Variants in SLC26A5 observed in about 807,000 individuals in gnomAD.
SLC26A5 encodes the protein prestin.
A neutral mutation model predicts 81.0 loss-of-function variants in SLC26A5; 51 were observed. The observed-to-expected ratio is 0.63, with a 90% confidence interval of 0.50 to 0.80. SLC26A5 has a LOEUF of 0.80. Among genes scored for constraint, SLC26A5 ranks in the 30% least tolerant of loss-of-function variants. The pLI is 0.00. For missense variants in SLC26A5, 771 were observed against 905.8 expected, an observed-to-expected ratio of 0.85 and a Z score of 1.91; for synonymous variants, 325 against 332.8, an observed-to-expected ratio of 0.98 and a Z score of 0.25.
rs1184487376 is a variant in SLC26A5, at chr7:103,393,037, C to G, written c.1001G>C (p.Ser334Thr). The G allele has an allele frequency of 6.2e-7, 1 of 1,613,968 alleles. No homozygotes were observed. Among genetic ancestry groups the G allele is most frequent in the African/African-American group, 1.3e-5 (1 of 75,028 alleles). ...GLLPPANPDT[S>T]LFHLVYVDAI... ...ATCTACGTACACAAGGTGGAAGAGG[C>G]TGGTGTCCGGATTGGCTGGAGGTAG... Residue 334 changes from serine (S) to threonine (T), a missense_variant, in exon 10 of 20, where the codon AGC (serine) becomes ACC (threonine). Ser to Thr is a moderately conservative substitution (Grantham distance 58). Coordinates refer to ENST00000306312, the MANE Select transcript of SLC26A5 (RefSeq NM_198999.3).
intron 2 of SLC26A5, among the ~76,000 whole-genome samples, chr7:103,442,416 G>A (rs1826949284): frequency 6.6e-6 from 1 of 152,144 alleles, no homozygotes; most frequent in South Asian, 2.1e-4. Flanking sequence ...GGGATTACAG[G>A]TGTGAGCCAC....
At chr7:103,442,124 C>T (rs984950098) in intron 2 of SLC26A5, among the ~76,000 whole-genome samples, 1 of 146,458 alleles carries the variant, frequency 6.8e-6, no homozygotes, top group African/African-American at 2.7e-5. Context: ...TGTCTCCTCC[C>T]CACCTTCATC....
rs114086383 is a variant in SLC26A5, at chr7:103,385,915, G to A, written c.1514+3093C>T. 9.0e-3 allele frequency among the ~76,000 whole-genome samples: 1,328 copies of A among 147,796 alleles called. 21 individuals are homozygous for A. Among genetic ancestry groups the A allele is most frequent in the African/African-American group, 0.032 (1,285 of 39,642 alleles). On this transcript the variant is annotated intron_variant, in intron 14 of 19. Coordinates refer to ENST00000306312, the MANE Select transcript of SLC26A5 (RefSeq NM_198999.3). ...TGGGGTTTTACCAGGTTGCCCAAAC[G>A]GGAGCTTTTTTCTTTCTTTCTTTTT...
At chr7:103,411,787 T>C (rs940721968) in intron 5 of SLC26A5, among the ~76,000 whole-genome samples, 7 of 152,208 alleles carry the variant, frequency 4.6e-5, no homozygotes, top group African/African-American at 9.6e-5. Flanking sequence ...TTTCCAAAAA[T>C]AGACATAGCA....
chr7:103,445,600 G>A (rs536794023), intron 1 of SLC26A5: 1 of 152,274 alleles, frequency 6.6e-6, no homozygotes, highest in African/African-American at 2.4e-5. Context: ...CCAGTTTCGG[G>A]ACCACAGCCT....
At chr7:103,362,846 T>C in intron 19 of SLC26A5, 5 of 1,035,396 alleles carry the variant, frequency 4.8e-6, no homozygotes, top group Non-Finnish European at 7.2e-6. Flanking sequence ...CAGGCTGGAG[T>C]AGAATGGTGT....
intron 2 of SLC26A5, 91 bp from the exon 3 acceptor site, chr7:103,421,658 T>C (rs1265162899): frequency 1.2e-6 from 1 of 844,148 alleles, no homozygotes; most frequent in East Asian, 2.6e-5. Flanking sequence ...TTCCAAGTTC[T>C]TCTGAGGCTT....
At chr7:103,442,575 G>A (rs1295605169) in intron 2 of SLC26A5, among the ~76,000 whole-genome samples, 2 of 152,104 alleles carry the variant, frequency 1.3e-5, no homozygotes, top group African/African-American at 4.8e-5. Context: ...TCTCTGTTGG[G>A]TTTTTTCTAA....
intron 7 of SLC26A5, among the ~76,000 whole-genome samples, chr7:103,409,595 C>T (rs982889776): frequency 6.6e-6 from 1 of 152,060 alleles, no homozygotes; most frequent in African/African-American, 2.4e-5. Flanking sequence ...TCCTTAAGTG[C>T]TTGCAAATAA....
chr7:103,412,876 T>A, intron 5 of SLC26A5, 126 bp downstream of exon 5: 1 of 735,384 alleles, frequency 1.4e-6, no homozygotes. Context: ...AAGCACCTAT[T>A]GTGTATGCAG....
chr7:103,354,167 T>C (rs1368468559), intron 19 of SLC26A5, among the ~76,000 whole-genome samples: 1 of 152,184 alleles, frequency 6.6e-6, no homozygotes, highest in Admixed American at 6.5e-5. Context: ...CTAAAGTTTA[T>C]AGAATAGATC....
rs188653898 is a variant in SLC26A5, at chr7:103,442,064, G to A, written c.-54+1019C>T. On this transcript the variant is annotated intron_variant, in intron 2 of 19. Transcript: ENST00000306312. Reference sequence around the variant, plus strand: ...CAATCCTGACTGGACATTAGTATTTGCTGGGGTTACTTTTAAAAAATAAAG... The same window carrying A: ...CAATCCTGACTGGACATTAGTATTTACTGGGGTTACTTTTAAAAAATAAAG... Among the ~76,000 whole-genome samples the A allele has an allele frequency of 4.5e-4, 69 of 152,274 alleles. 2 individuals are homozygous for A. The East Asian group carries it at 0.013, about 28-fold the overall frequency.
downstream of SLC26A5, among the ~76,000 whole-genome samples, chr7:103,372,043 C>T (rs542058968): frequency 6.6e-6 from 1 of 152,258 alleles, no homozygotes; most frequent in African/African-American, 2.4e-5. Flanking sequence ...ACTTAAATGG[C>T]TGAAATGATA....
chr7:103,373,330 T>C (rs1821135174), downstream of SLC26A5, among the ~76,000 whole-genome samples: 1 of 152,214 alleles, frequency 6.6e-6, no homozygotes, highest in Non-Finnish European at 1.5e-5. Context: ...TCTGAAGTGA[T>C]GCGATATGAA....
rs1456350391 is a variant in SLC26A5, at chr7:103,420,871, A to T, written c.159T>A (p.Thr53=). ...ADKLKQAFTC[T]PKKIRNIIYM... Reference sequence around the variant, plus strand: ...AAATGATATTTCTTATTTTTTTAGGAGTACATCTGAAAGGACAAAGACAGA... The same window carrying T: ...AAATGATATTTCTTATTTTTTTAGGTGTACATCTGAAAGGACAAAGACAGA... The change falls in exon 4 of 20, where the codon ACT becomes ACA. Residue 53 remains threonine, a synonymous_variant. Transcript: ENST00000306312. 1 of 1,609,542 alleles carries T rather than the reference A, an allele frequency of 6.2e-7. No homozygotes were observed.
At chr7:103,390,300 GC>G (rs1324187410) in intron 12 of SLC26A5, 128 bp downstream of exon 12, 1 of 871,810 alleles carries the variant, frequency 1.1e-6, no homozygotes, top group African/African-American at 1.6e-5. Flanking sequence ...CCTAGCCTTG[GC>G]CCTTTCTCAT....
intron 12 of SLC26A5, among the ~76,000 whole-genome samples, chr7:103,389,779 T>C (rs1353745871): frequency 6.6e-6 from 1 of 152,086 alleles, no homozygotes; most frequent in Non-Finnish European, 1.5e-5. Flanking sequence ...AGGTGGGTGC[T>C]ACCACACTCA....
In SLC26A5 at chr7:103,392,852, C is replaced by T. The variant is rs1034537285; in HGVS notation, c.1119+67G>A. On this transcript the variant is annotated intron_variant, in intron 10 of 19. Transcript: ENST00000306312. ...TTGGCCTCCCGAAGTGCTGGGATTA[C>T]AGGCGTGAGCCAGACATTGGTGATT... 3 of 1,597,918 alleles carry T rather than the reference C, an allele frequency of 1.9e-6. No homozygotes were observed. The African/African-American group carries it at 4.0e-5, about 21-fold the overall frequency.
At chr7:103,365,981 A>C in intron 19 of SLC26A5, 1 of 967,280 alleles carries the variant, frequency 1.0e-6, no homozygotes, top group Non-Finnish European at 1.6e-6. Context: ...GAATACTGTT[A>C]GGAATAAATA....
Sources: allele counts gnomAD v4.1 joint callset (sites outside exome capture counted in the v4.1 genomes callset), GRCh38; gene constraint gnomAD v4.1.1; transcripts MANE v1.5; gene names NCBI Gene and HGNC (gene_info 2026-07-23, HGNC 2026-07-21).